Variants in BAZ1B observed in about 807,000 individuals in gnomAD.
BAZ1B encodes tyrosine-protein kinase BAZ1B.
BAZ1B carries 22 observed loss-of-function variants against 153.8 expected under a neutral mutation model. The ratio of observed to expected loss-of-function variants is 0.14; its 90% CI spans 0.10 to 0.20. The LOEUF (loss-of-function observed/expected upper bound fraction) is 0.20. BAZ1B is among the 10% of genes least tolerant of loss of function. BAZ1B has a pLI of 1.00. For missense variants in BAZ1B, 1,325 were observed against 1,799.3 expected, an observed-to-expected ratio of 0.74 and a Z score of 4.77; for synonymous variants, 676 against 633.4, an observed-to-expected ratio of 1.07 and a Z score of -1.01.
chr7:73,482,034 G>A (rs1178924628), intron 6 of BAZ1B, among the ~76,000 whole-genome samples: 1 of 152,136 alleles, frequency 6.6e-6, no homozygotes, highest in South Asian at 2.1e-4. Context: ...GCGAGACTCT[G>A]TCTCAAAAAA....
chr7:73,494,833 C>T (rs148095915), intron 4 of BAZ1B, among the ~76,000 whole-genome samples: 11 of 152,300 alleles, frequency 7.2e-5, no homozygotes, highest in African/African-American at 1.7e-4. Context: ...ACCAACTAGA[C>T]GTGAGAATGT....
intron 5 of BAZ1B, among the ~76,000 whole-genome samples, chr7:73,490,607 ATTTTT>A (rs34937645): frequency 7.0e-6 from 1 of 142,504 alleles, no homozygotes; most frequent in Admixed American, 7.1e-5. Context: ...AAAACTAAGC[ATTTTT>A]TTTTTTTTTT....
chr7:73,511,009 C>A (rs781952311), intron 1 of BAZ1B, among the ~76,000 whole-genome samples, 157 bp from the exon 2 acceptor site: 53 of 152,252 alleles, frequency 3.5e-4, no homozygotes, highest in Non-Finnish European at 6.2e-4. Context: ...CAGTGGTTCA[C>A]GCCTGTAATC....
At chr7:73,461,267 C>T (rs554841631) in intron 12 of BAZ1B, among the ~76,000 whole-genome samples, 2 of 152,064 alleles carry the variant, frequency 1.3e-5, no homozygotes, top group African/African-American at 2.4e-5. Context: ...TAAGCCACCG[C>T]GCCCGCATGA....
At chr7:73,502,254 CA>C (rs1790162957) in intron 3 of BAZ1B, among the ~76,000 whole-genome samples, 1 of 151,992 alleles carries the variant, frequency 6.6e-6, no homozygotes, top group Non-Finnish European at 1.5e-5. Context: ...TTCCAGCACC[CA>C]AAACATGCTA....
intron 4 of BAZ1B, among the ~76,000 whole-genome samples, chr7:73,493,686 C>CA (rs1403807183): frequency 1.3e-5 from 2 of 150,230 alleles, no homozygotes; most frequent in African/African-American, 2.5e-5. Context: ...ATAAAAAATA[C>CA]AAAAAATTAG....
intron 15 of BAZ1B, among the ~76,000 whole-genome samples, chr7:73,448,998 T>C (rs782804018): frequency 2.0e-5 from 3 of 151,952 alleles, no homozygotes; most frequent in Non-Finnish European, 4.4e-5. Context: ...GTGACAGATG[T>C]AGAAGGGACA....
intron 6 of BAZ1B, among the ~76,000 whole-genome samples, chr7:73,481,385 C>T (rs892689223): frequency 8.6e-5 from 13 of 151,704 alleles, no homozygotes; most frequent in East Asian, 2.0e-4. Flanking sequence ...GGTGCGGTGG[C>T]GGGCGCCTGT....
rs565033236 is a variant in BAZ1B at position 73,482,132 on chromosome 7, T to A, written c.892-3563A>T. Among the ~76,000 whole-genome samples the A allele has an allele frequency of 2.0e-5, 3 of 152,340 alleles. No homozygotes were observed. The South Asian group carries it at 6.2e-4, about 32-fold the overall frequency. The stretch of plus-strand genomic sequence containing the variant: ...AGAATGGGCTGACAAAGAGGCTTTA[T>A]AGCTTTACAACATATAAACCCTATC... On this transcript the variant is annotated intron_variant, in intron 6 of 19. Coordinates refer to ENST00000339594, the MANE Select transcript of BAZ1B (RefSeq NM_032408.4).
At chr7:73,449,785 G>A (rs1787967657) in intron 14 of BAZ1B, 96 bp from the exon 15 acceptor site, 5 of 1,332,842 alleles carry the variant, frequency 3.8e-6, no homozygotes, top group Admixed American at 2.3e-5. Flanking sequence ...CAAGGCACAC[G>A]AGGAGACATG....
intron 13 of BAZ1B, among the ~76,000 whole-genome samples, chr7:73,454,036 C>T (rs887641368): frequency 2.0e-5 from 3 of 151,634 alleles, no homozygotes; most frequent in Non-Finnish European, 2.9e-5. Context: ...TGGTGGCTCA[C>T]GCCTATAATC....
intron 11 of BAZ1B, among the ~76,000 whole-genome samples, chr7:73,463,765 TGG>T (rs1732433375): frequency 6.6e-6 from 1 of 152,004 alleles, no homozygotes; most frequent in South Asian, 2.1e-4. Context: ...TGGAGTGCAG[TGG>T]TGCGATCTTG....
At position 73,459,580 on chromosome 7, in the gene BAZ1B, T is replaced by C. The variant is rs782136256; in HGVS notation, c.3388A>G (p.Thr1130Ala). The change falls in exon 13 of 20, where the codon ACT becomes GCT. Residue 1130 changes from threonine (T) to alanine (A), a missense_variant. This residue lies in a region of BAZ1B where 431 missense variants were observed against 563.5 expected (regional missense o/e 0.76). Coordinates refer to ENST00000339594, the MANE Select transcript of BAZ1B (RefSeq NM_032408.4). ...TTCTTCTCTTCATCCACTTCCTCAG[T>C]TTTTGCTGAATCTTCACTTTGGAGT... ...RKLQSEDSAK[T>A]EEVDEEKKMV... 6.2e-7 allele frequency: 1 copy of C among 1,613,900 alleles called. No individual in the cohort carries two copies. The highest frequency in any genetic ancestry group is 1.3e-5 in the African/African-American group (1 of 75,028).
chr7:73,520,426 T>C (rs1372280356), intron 1 of BAZ1B, among the ~76,000 whole-genome samples: 1 of 152,172 alleles, frequency 6.6e-6, no homozygotes, highest in Admixed American at 6.6e-5. Flanking sequence ...TTCCACCTTC[T>C]TCTGTTGATT....
rs984519815 is a variant in BAZ1B at position 73,510,993 on chromosome 7, C to T, written c.108-141G>A. 11 of 692,952 alleles carry T rather than the reference C, an allele frequency of 1.6e-5. 1 individual carries two copies. Among genetic ancestry groups the T allele is most frequent in the South Asian group, 3.7e-5 (2 of 54,414 alleles). The allele number at this position is 692,952 out of a possible 1,614,324, so 42.9% of individuals were successfully genotyped here. On this transcript the variant is annotated intron_variant, in intron 1 of 19. Transcript: ENST00000339594. Reference sequence around the variant, plus strand: ...AGAGGATAAAAATGGAATTGGAGGCCGGGCGCAGTGGTTCACGCCTGTAAT... The same window carrying T: ...AGAGGATAAAAATGGAATTGGAGGCTGGGCGCAGTGGTTCACGCCTGTAAT...
At chr7:73,468,012 C>T (rs1554571434) in intron 9 of BAZ1B, among the ~76,000 whole-genome samples, 2 of 152,160 alleles carry the variant, frequency 1.3e-5, no homozygotes, top group African/African-American at 4.8e-5. Context: ...TTTTGTAAAT[C>T]AGTATTATTC....
Position 73,522,054 on chromosome 7 carries a change from G to C in BAZ1B, c.-121C>G. The C allele has an allele frequency of 1.6e-6, 1 of 629,298 alleles. No individual in the cohort carries two copies. The highest frequency in any genetic ancestry group is 2.3e-6 in the Non-Finnish European group (1 of 438,486). The allele number at this position is 629,298 out of a possible 1,614,324, so 39.0% of individuals were successfully genotyped here. On this transcript the variant is annotated 5_prime_UTR_variant, in exon 1 of 20. Transcript: ENST00000339594. Reference sequence around the variant, plus strand: ...GTGGGGTGGGGGAAGGGAGGGGTGAGAGGGCGGCGCGAACTCCGGCTCCCT... The same window carrying C: ...GTGGGGTGGGGGAAGGGAGGGGTGACAGGGCGGCGCGAACTCCGGCTCCCT...
chr7:73,446,529 C>T (rs4717088), intron 16 of BAZ1B, among the ~76,000 whole-genome samples: 1 of 124,610 alleles, frequency 8.0e-6, no homozygotes, highest in African/African-American at 3.2e-5. Flanking sequence ...CCAGCCCAGG[C>T]GACAGTGAGA....
chr7:73,444,535 T>C (rs370004535), intron 16 of BAZ1B, among the ~76,000 whole-genome samples: 2 of 152,206 alleles, frequency 1.3e-5, no homozygotes, highest in African/African-American at 4.8e-5. Context: ...TGTATTTACA[T>C]GTAAGATGGA....
Sources: allele counts gnomAD v4.1 joint callset (sites outside exome capture counted in the v4.1 genomes callset), GRCh38; gene constraint gnomAD v4.1.1; regional missense constraint gnomAD v4.1.1; transcripts MANE v1.5; gene names NCBI Gene and HGNC (gene_info 2026-07-23, HGNC 2026-07-21).